SHISA9: variants seen among roughly 807,000 people sequenced by gnomAD.
SHISA9 encodes protein shisa-9.
Under a neutral mutation model 38.0 loss-of-function variants are expected in SHISA9, and 13 were observed. The ratio of observed to expected loss-of-function variants is 0.34; its 90% confidence interval spans 0.22 to 0.54. SHISA9 has a LOEUF of 0.54. Among genes scored for constraint, SHISA9 ranks in the 20% least tolerant of loss-of-function variants. The pLI is 0.91. For synonymous variants in SHISA9, 275 were observed against 242.0 expected (o/e 1.14, Z -1.27); for missense variants, 538 against 575.8 (o/e 0.93, Z 0.67).
rs1422159226 is a variant in SHISA9 at position 13,236,758 on chromosome 16, C to G, written c.*1349C>G. 6.6e-6 allele frequency: 1 copy of G among 152,022 alleles called. No individual in the cohort carries two copies. Among genetic ancestry groups the G allele is most frequent in the Non-Finnish European group, 1.5e-5 (1 of 68,000 alleles). The allele number at this position is 152,022 out of a possible 1,614,324, so 9.4% of individuals were successfully genotyped here. A position where few individuals can be genotyped will look rare whatever the true frequency, so the allele number is the denominator to read the frequency against. On this transcript the variant is annotated 3_prime_UTR_variant, in exon 5 of 5. Coordinates refer to ENST00000558583, the MANE Select transcript of SHISA9 (RefSeq NM_001145204.3). ...ACCCAAGAACGAAGACCTCCCTACT[C>G]TCTACACTATCAAAATTAGTCCTTC... is the stretch of plus-strand genomic sequence containing the variant.
chr16:12,973,631 A>G (rs2072115496), intron 2 of SHISA9, among the ~76,000 whole-genome samples: 1 of 152,204 alleles, frequency 6.6e-6, no homozygotes, highest in Admixed American at 6.5e-5. Context: ...TTTAGTGCCT[A>G]TGAGCTAAGC....
intron 2 of SHISA9, among the ~76,000 whole-genome samples, chr16:13,016,560 G>A (rs2072759762): frequency 6.6e-6 from 1 of 152,046 alleles, no homozygotes; most frequent in Admixed American, 6.6e-5. Context: ...TTTGGTAGTG[G>A]TTTTTTGTTG....
chr16:12,960,494 T>C (rs956426554), intron 2 of SHISA9, among the ~76,000 whole-genome samples: 1 of 152,040 alleles, frequency 6.6e-6, no homozygotes, highest in Non-Finnish European at 1.5e-5. Flanking sequence ...ATATTCACAA[T>C]AGCAAAGACA....
intron 2 of SHISA9, among the ~76,000 whole-genome samples, chr16:13,000,986 G>A (rs1209396847): frequency 6.6e-6 from 1 of 152,156 alleles, no homozygotes; most frequent in Non-Finnish European, 1.5e-5. Flanking sequence ...TTGGAGGGCA[G>A]TGTTGCAATT....
chr16:13,260,420 T>C, the SHISA9 span, among the ~76,000 whole-genome samples: 1 of 152,202 alleles, frequency 6.6e-6, no homozygotes, highest in Non-Finnish European at 1.5e-5. Context: ...AAGTCATCTC[T>C]TGAATGCTTT....
the SHISA9 span, among the ~76,000 whole-genome samples, chr16:13,518,015 C>A: frequency 1.3e-3 from 192 of 152,314 alleles, no homozygotes; most frequent in African/African-American, 4.4e-3. Context: ...CAGCTGCTGG[C>A]AGTCAAGGAG....
chr16:13,355,839 T>G, the SHISA9 span, among the ~76,000 whole-genome samples: 1 of 152,216 alleles, frequency 6.6e-6, no homozygotes, highest in South Asian at 2.1e-4. Flanking sequence ...CTTCAGCCGC[T>G]AAGCCGAGAA....
the SHISA9 span, among the ~76,000 whole-genome samples, chr16:13,560,791 G>T: frequency 2.0e-5 from 3 of 150,996 alleles, no homozygotes; most frequent in African/African-American, 7.3e-5. Context: ...GAAGAGAAGA[G>T]GCTATGTCAC....
At chr16:13,190,261 T>G (rs2050871334) in intron 2 of SHISA9, among the ~76,000 whole-genome samples, 1 of 131,238 alleles carries the variant, frequency 7.6e-6, no homozygotes. Context: ...CCCCAGAGTG[T>G]GATATTCCCC....
At chr16:13,054,926 C>T (rs2073292994) in intron 2 of SHISA9, among the ~76,000 whole-genome samples, 1 of 152,176 alleles carries the variant, frequency 6.6e-6, no homozygotes. Context: ...CCCTAGTTTG[C>T]TTTTACTTGT....
intron 2 of SHISA9, among the ~76,000 whole-genome samples, chr16:13,128,152 A>G (rs2050277350): frequency 6.6e-6 from 1 of 152,156 alleles, no homozygotes; most frequent in Non-Finnish European, 1.5e-5. Flanking sequence ...TTGGGGACAC[A>G]GTCTCTACTT....
intron 1 of SHISA9, among the ~76,000 whole-genome samples, chr16:12,914,046 CTTTTTTTTT>C (rs61679035): frequency 8.0e-6 from 1 of 124,272 alleles, no homozygotes; most frequent in Non-Finnish European, 1.7e-5. Context: ...GTTTGTTTTT[CTTTTTTTTT>C]TTTTTTTTGA....
chr16:13,450,239 G>A, the SHISA9 span, among the ~76,000 whole-genome samples: 26 of 152,272 alleles, frequency 1.7e-4, no homozygotes, highest in South Asian at 5.4e-3. Flanking sequence ...CTTAAAACTT[G>A]AGGGTAGGGT....
chr16:13,441,298 G>A, the SHISA9 span, among the ~76,000 whole-genome samples: 1 of 152,190 alleles, frequency 6.6e-6, no homozygotes, highest in South Asian at 2.1e-4. Context: ...CTCACTGTCA[G>A]GAGGTTCCTG....
chr16:13,277,422 T>G, the SHISA9 span, among the ~76,000 whole-genome samples: 3 of 151,086 alleles, frequency 2.0e-5, no homozygotes, highest in African/African-American at 7.4e-5. Flanking sequence ...CTATATAAAT[T>G]TTAGAATTGT....
Position 13,235,040 on chromosome 16 carries a change from C to T in SHISA9, c.906C>T (p.Val302=), listed in dbSNP as rs1229722900. ...STLKSPKADK[V]NDDFYTKRRH... ...CGTTCCGATGTGTAGCTGACAAGGTCAATGACGACTTCTACACCAAGCGAC... is the reference window on the plus strand; with the variant it reads ...CGTTCCGATGTGTAGCTGACAAGGTTAATGACGACTTCTACACCAAGCGAC... Residue 302 remains valine (V), a synonymous_variant, in exon 5 of 5, where the codon GTC becomes GTT. Coordinates refer to ENST00000558583, the MANE Select transcript of SHISA9 (RefSeq NM_001145204.3). The T allele has an allele frequency of 6.5e-7, 1 of 1,546,240 alleles. No homozygotes were observed. The highest frequency in any genetic ancestry group is 2.0e-5 in the Admixed American group (1 of 50,626).
At chr16:13,117,710 C>G (rs957244613) in intron 2 of SHISA9, among the ~76,000 whole-genome samples, 2 of 152,190 alleles carry the variant, frequency 1.3e-5, no homozygotes, top group African/African-American at 4.8e-5. Context: ...GCCCTGCCAA[C>G]AGCCCAATTT....
At chr16:13,294,227 G>A in the SHISA9 span, among the ~76,000 whole-genome samples, 1 of 152,190 alleles carries the variant, frequency 6.6e-6, no homozygotes, top group Non-Finnish European at 1.5e-5. Context: ...AGTGGCTTAA[G>A]ATAACATCTA....
At chr16:13,333,389 G>A in the SHISA9 span, among the ~76,000 whole-genome samples, 1 of 152,164 alleles carries the variant, frequency 6.6e-6, no homozygotes, top group Admixed American at 6.6e-5. Flanking sequence ...TCATTGATAT[G>A]ATTCAAGCTC....
Sources: gnomAD v4.1 joint callset for allele counts (sites outside exome capture counted in the v4.1 genomes callset) on GRCh38, gnomAD v4.1.1 for gene constraint, MANE v1.5 for transcripts, NCBI Gene and HGNC (gene_info 2026-07-23, HGNC 2026-07-21) for gene names.